The following MAGI2 variants were observed in gnomAD, a reference collection of about 807,000 sequenced individuals.
MAGI2 encodes the protein membrane-associated guanylate kinase, WW and PDZ domain-containing protein 2.
A neutral mutation model predicts 133.3 loss-of-function variants in MAGI2; 35 were observed. The ratio of observed to expected loss-of-function variants is 0.26; its 90% CI spans 0.20 to 0.35. The LOEUF (loss-of-function observed/expected upper bound fraction) is 0.35, where lower values mean the gene tolerates loss of function less well. Among genes scored for constraint, MAGI2 ranks in the 10% least tolerant of loss-of-function variants. MAGI2 has a pLI of 1.00. For missense variants in MAGI2, 1,636 were observed against 1,863.4 expected, an observed-to-expected ratio of 0.88 and a Z score of 2.25; for synonymous variants, 729 against 710.6, an observed-to-expected ratio of 1.03 and a Z score of -0.41.
chr7:78,691,127 T>C (rs577844615), intron 2 of MAGI2, among the ~76,000 whole-genome samples: 18 of 152,232 alleles, frequency 1.2e-4, no homozygotes, highest in Non-Finnish European at 2.5e-4. Flanking sequence ...CCTAGAATAC[T>C]TTTTAACCTG....
chr7:78,069,378 C>G (rs542818129), intron 21 of MAGI2, among the ~76,000 whole-genome samples: 3 of 152,244 alleles, frequency 2.0e-5, no homozygotes, highest in African/African-American at 7.2e-5. Context: ...CTGACTCAGT[C>G]AGAATCTCCA....
intron 1 of MAGI2, among the ~76,000 whole-genome samples, chr7:79,008,222 T>A (rs928771177): frequency 6.6e-6 from 1 of 152,226 alleles, no homozygotes. Context: ...TCTGCAATAA[T>A]CATAAAATTA....
intron 1 of MAGI2, among the ~76,000 whole-genome samples, chr7:79,211,472 T>C (rs1180894059): frequency 6.6e-6 from 1 of 151,400 alleles, no homozygotes; most frequent in Non-Finnish European, 1.5e-5. Context: ...TTTTGTTTTT[T>C]TTTTTGAGGC....
intron 2 of MAGI2, among the ~76,000 whole-genome samples, chr7:78,704,405 C>G (rs1446128766): frequency 6.6e-6 from 1 of 151,910 alleles, no homozygotes; most frequent in East Asian, 1.9e-4. Context: ...TATTATAAAG[C>G]AGTAAAAAAA....
At chr7:79,031,776 TA>T (rs1273839461) in intron 1 of MAGI2, among the ~76,000 whole-genome samples, 1 of 152,144 alleles carries the variant, frequency 6.6e-6, no homozygotes, top group Non-Finnish European at 1.5e-5. Context: ...ATTTGTTTTG[TA>T]AAAAAAGTTT....
At chr7:78,396,341 C>T (rs752158805) in intron 6 of MAGI2, among the ~76,000 whole-genome samples, 1 of 152,112 alleles carries the variant, frequency 6.6e-6, no homozygotes, top group Non-Finnish European at 1.5e-5. Context: ...CATCATACCA[C>T]TTCTCCTCTC....
At chr7:79,117,547 T>C (rs534702758) in intron 1 of MAGI2, among the ~76,000 whole-genome samples, 1 of 152,296 alleles carries the variant, frequency 6.6e-6, no homozygotes, top group South Asian at 2.1e-4. Flanking sequence ...TGGTACGAAG[T>C]CTTCTGGAAA....
intron 1 of MAGI2, among the ~76,000 whole-genome samples, chr7:79,076,749 A>G (rs1221410635): frequency 6.6e-6 from 1 of 152,202 alleles, no homozygotes; most frequent in South Asian, 2.1e-4. Context: ...ATGTAGACAT[A>G]CTGTAGATGT....
At position 79,292,433 on chromosome 7, in the gene MAGI2, C is replaced by T. The variant is rs190801160; in HGVS notation, c.301+160587G>A. Among the ~76,000 whole-genome samples, 476 of 151,560 alleles carry T rather than the reference C, an allele frequency of 3.1e-3. 7 individuals carry two copies. The highest frequency in any genetic ancestry group is 3.5e-3 in the Non-Finnish European group (239 of 67,878). On this transcript the variant is annotated intron_variant, in intron 1 of 21. Coordinates refer to ENST00000354212, the MANE Select transcript of MAGI2 (RefSeq NM_012301.4). ...GGTCAGGGGTTTGAGACCAGCCTGG[C>T]CTGTGTGGTAAAACCCTGTCTCTAC...
At chr7:78,580,930 A>G (rs773875812) in intron 3 of MAGI2, among the ~76,000 whole-genome samples, 1 of 152,216 alleles carries the variant, frequency 6.6e-6, no homozygotes, top group Non-Finnish European at 1.5e-5. Context: ...GACATCACAA[A>G]TGCAGATGAC....
intron 3 of MAGI2, among the ~76,000 whole-genome samples, chr7:78,564,783 CTTTT>C (rs35069216): frequency 6.2e-5 from 4 of 64,318 alleles, no homozygotes; most frequent in Non-Finnish European, 1.1e-4. Context: ...CTTTGACATT[CTTTT>C]TTTTTTTTTT....
chr7:78,894,639 C>G (rs1157732480), intron 2 of MAGI2, among the ~76,000 whole-genome samples: 1 of 151,816 alleles, frequency 6.6e-6, no homozygotes, highest in African/African-American at 2.4e-5. Flanking sequence ...CCCCAAGAAA[C>G]CAGTTTAAAT....
Position 79,050,512 on chromosome 7 carries a change from C to T in MAGI2, c.302-43306G>A, listed in dbSNP as rs1007447273. 3.9e-5 allele frequency among the ~76,000 whole-genome samples: 6 copies of T among 152,092 alleles called. No individual in the cohort carries two copies. The South Asian group carries it at 6.2e-4, about 16-fold the overall frequency. On this transcript the variant is annotated intron_variant, in intron 1 of 21. Coordinates refer to ENST00000354212, the MANE Select transcript of MAGI2 (RefSeq NM_012301.4). ...ATCCTCCTGCCACATCCTCCAAATTCGCTAGGAGTGCAGGTGAGTGCCACC... is the reference window on the plus strand; with the variant it reads ...ATCCTCCTGCCACATCCTCCAAATTTGCTAGGAGTGCAGGTGAGTGCCACC...
chr7:78,851,990 G>C (rs1189318431), intron 2 of MAGI2, among the ~76,000 whole-genome samples: 1 of 151,998 alleles, frequency 6.6e-6, no homozygotes, highest in Non-Finnish European at 1.5e-5. Context: ...TTTTGTACCA[G>C]TTTACACTCT....
chr7:79,144,733 T>A (rs1437329856), intron 1 of MAGI2, among the ~76,000 whole-genome samples: 1 of 152,190 alleles, frequency 6.6e-6, no homozygotes. Context: ...AAGAAACTGA[T>A]GATTAAAGAT....
chr7:79,276,592 G>C (rs1835243672), intron 1 of MAGI2, among the ~76,000 whole-genome samples: 1 of 152,154 alleles, frequency 6.6e-6, no homozygotes, highest in Admixed American at 6.5e-5. Context: ...TCTTATGAAG[G>C]AGCAAAGAAA....
At chr7:78,732,344 G>A (rs1821446336) in intron 2 of MAGI2, among the ~76,000 whole-genome samples, 1 of 152,122 alleles carries the variant, frequency 6.6e-6, no homozygotes, top group African/African-American at 2.4e-5. Context: ...AGGACATATA[G>A]TCTGACACCT....
intron 9 of MAGI2, among the ~76,000 whole-genome samples, chr7:78,286,050 C>T (rs949042999): frequency 6.6e-6 from 1 of 152,112 alleles, no homozygotes; most frequent in Admixed American, 6.6e-5. Flanking sequence ...GAATAAAGTG[C>T]ACTGCATTAC....
At chr7:78,526,354 T>C (rs1447761089) in intron 3 of MAGI2, among the ~76,000 whole-genome samples, 2 of 152,138 alleles carry the variant, frequency 1.3e-5, no homozygotes, top group African/African-American at 4.8e-5. Flanking sequence ...AAAATAAGTG[T>C]GTGTGTGTTT....
Sources: allele counts gnomAD v4.1 joint callset (sites outside exome capture counted in the v4.1 genomes callset), GRCh38; gene constraint gnomAD v4.1.1; transcripts MANE v1.5; gene names NCBI Gene and HGNC (gene_info 2026-07-23, HGNC 2026-07-21).